The following OSBPL9 variants were observed in gnomAD, a reference collection of about 807,000 sequenced individuals.
OSBPL9 encodes oxysterol-binding protein-related protein 9.
OSBPL9 carries 40 observed loss-of-function variants against 106.6 expected under a neutral mutation model. The observed-to-expected ratio is 0.38, with a 90% CI of 0.29 to 0.49. OSBPL9 has a LOEUF of 0.49. Among genes scored for constraint, OSBPL9 ranks in the 20% least tolerant of loss-of-function variants. OSBPL9 has a pLI of 0.97. For synonymous variants in OSBPL9, 269 were observed against 295.4 expected (o/e 0.91, Z 0.92); for missense variants, 609 against 887.2 (o/e 0.69, Z 3.98).
chr1:51,684,466 CA>C (rs1557685997), intron 3 of OSBPL9, among the ~76,000 whole-genome samples: 1 of 152,120 alleles, frequency 6.6e-6, no homozygotes, highest in Admixed American at 6.5e-5. Flanking sequence ...GTACATATTT[CA>C]AGATAACATG....
At chr1:51,524,516 CACAGCAGAA>C in the OSBPL9 span, among the ~76,000 whole-genome samples, 1 of 152,220 alleles carries the variant, frequency 6.6e-6, no homozygotes, top group East Asian at 1.9e-4. Context: ...AAACCTGGGA[CACAGCAGAA>C]ACTAGATAAG....
chr1:51,558,694 G>A, the OSBPL9 span, among the ~76,000 whole-genome samples: 6 of 152,178 alleles, frequency 3.9e-5, no homozygotes, highest in Non-Finnish European at 5.9e-5. Context: ...CCAAATTTTC[G>A]GAGAGGCTAA....
the OSBPL9 span, among the ~76,000 whole-genome samples, chr1:51,534,220 T>C: frequency 2.0e-5 from 3 of 151,756 alleles, no homozygotes; most frequent in Non-Finnish European, 4.4e-5. Flanking sequence ...AAAAAAATGC[T>C]CCCAGCTGTT....
intron 1 of OSBPL9, among the ~76,000 whole-genome samples, chr1:51,633,563 C>T (rs1338949432): frequency 6.6e-6 from 1 of 151,452 alleles, no homozygotes; most frequent in East Asian, 2.0e-4. Context: ...TCCACTCCAG[C>T]CCGGGCAACA....
At chr1:51,557,174 G>A in the OSBPL9 span, among the ~76,000 whole-genome samples, 1 of 152,072 alleles carries the variant, frequency 6.6e-6, no homozygotes, top group African/African-American at 2.4e-5. Flanking sequence ...AAGTTTTCTT[G>A]TTTTTAATAA....
chr1:51,655,137 A>G (rs560880769), intron 2 of OSBPL9, among the ~76,000 whole-genome samples: 1 of 152,316 alleles, frequency 6.6e-6, no homozygotes, highest in African/African-American at 2.4e-5. Context: ...TCACAGTTTT[A>G]TAGGTCAGAC....
chr1:51,682,612 G>A (rs544203434), intron 3 of OSBPL9, among the ~76,000 whole-genome samples: 2 of 152,018 alleles, frequency 1.3e-5, no homozygotes, highest in South Asian at 4.2e-4. Flanking sequence ...ACAAAAATTA[G>A]CCAGGCCTGG....
At chr1:51,670,282 AT>A (rs1289472243) in intron 3 of OSBPL9, among the ~76,000 whole-genome samples, 1 of 152,154 alleles carries the variant, frequency 6.6e-6, no homozygotes, top group African/African-American at 2.4e-5. Context: ...TTCCAGAGTA[AT>A]CTCTCTTTTA....
intron 3 of OSBPL9, among the ~76,000 whole-genome samples, chr1:51,690,830 T>G (rs1370762315): frequency 6.6e-6 from 1 of 152,218 alleles, no homozygotes; most frequent in Non-Finnish European, 1.5e-5. Context: ...AAATGCGTCA[T>G]TAGACAGTTT....
chr1:51,642,872 A>G (rs1645894726), intron 1 of OSBPL9, among the ~76,000 whole-genome samples: 1 of 152,234 alleles, frequency 6.6e-6, no homozygotes, highest in African/African-American at 2.4e-5. Flanking sequence ...TATGGCATGC[A>G]GAAATGTTGC....
At chr1:51,714,979 A>C (rs1352650776) in intron 4 of OSBPL9, among the ~76,000 whole-genome samples, 1 of 152,228 alleles carries the variant, frequency 6.6e-6, no homozygotes, top group African/African-American at 2.4e-5. Context: ...CGTCTGCCGT[A>C]CTACACTGAA....
At chr1:51,596,306 A>G (rs1353910553) in intron 1 of OSBPL9, among the ~76,000 whole-genome samples, 2 of 151,038 alleles carry the variant, frequency 1.3e-5, no homozygotes, top group Non-Finnish European at 2.9e-5. Flanking sequence ...TCATGCCTGT[A>G]ATCCCAGCAC....
chr1:51,715,587 G>A (rs1660894498), intron 4 of OSBPL9, among the ~76,000 whole-genome samples: 1 of 152,124 alleles, frequency 6.6e-6, no homozygotes, highest in Admixed American at 6.5e-5. Context: ...CCTAAGAGGG[G>A]AGGATAAGTG....
chr1:51,678,824 G>A (rs1251863651), intron 3 of OSBPL9, among the ~76,000 whole-genome samples: 1 of 152,136 alleles, frequency 6.6e-6, no homozygotes, highest in Non-Finnish European at 1.5e-5. Flanking sequence ...AGGCATATCT[G>A]CATCATTAAT....
chr1:51,529,509 C>T, the OSBPL9 span, among the ~76,000 whole-genome samples: 1 of 152,004 alleles, frequency 6.6e-6, no homozygotes, highest in South Asian at 2.1e-4. Flanking sequence ...TCCCGAAGTG[C>T]TGGGATTACA....
chr1:51,684,004 T>C (rs1046178501), intron 3 of OSBPL9, among the ~76,000 whole-genome samples: 6 of 152,002 alleles, frequency 3.9e-5, no homozygotes, highest in African/African-American at 1.5e-4. Context: ...AGAAGTCTTA[T>C]TTATTTATTT....
chr1:51,582,509 T>C (rs951219458), intron 1 of OSBPL9, among the ~76,000 whole-genome samples: 11 of 152,214 alleles, frequency 7.2e-5, no homozygotes, highest in African/African-American at 2.6e-4. Flanking sequence ...TTTGTATTTT[T>C]AGTAGAGACG....
At chr1:51,585,428 GCTAA>G in intron 1 of OSBPL9, among the ~76,000 whole-genome samples, 1 of 152,086 alleles carries the variant, frequency 6.6e-6, no homozygotes, top group Admixed American at 6.6e-5. Context: ...ATGCTTAGTG[GCTAA>G]GACTATGCTT....
chr1:51,648,795 T>TA lies in OSBPL9; in HGVS notation c.112-3195dup, dbSNP rs1488049169. Among the ~76,000 whole-genome samples, 11 of 152,324 alleles carry TA rather than the reference T, an allele frequency of 7.2e-5. No homozygotes were observed. In the South Asian group the frequency reaches 2.3e-3, roughly 32 times the overall value. ...TCATTTTTAATATAGGAATAATTCT[T>TA]ACCATGCAAAGGCTTGTAAGGTTTA... is the stretch of plus-strand genomic sequence containing the variant. On this transcript the variant is annotated intron_variant, in intron 1 of 23. Coordinates refer to ENST00000428468, the MANE Select transcript of OSBPL9 (RefSeq NM_024586.6).
Sources: gnomAD v4.1 joint callset for allele counts (sites outside exome capture counted in the v4.1 genomes callset) on GRCh38, gnomAD v4.1.1 for gene constraint, MANE v1.5 for transcripts, NCBI Gene and HGNC (gene_info 2026-07-23, HGNC 2026-07-21) for gene names.